Variants in KIZ observed in about 807,000 individuals in gnomAD.
The protein encoded by KIZ is kizuna centrosomal protein.
Under a neutral mutation model 79.6 loss-of-function variants are expected in KIZ, and 68 were observed. That is an observed-to-expected ratio of 0.85 (90% confidence interval 0.70 to 1.05). The LOEUF (loss-of-function observed/expected upper bound fraction) is 1.05, where lower values mean the gene tolerates loss of function less well. KIZ is among the 50% of genes least tolerant of loss of function. KIZ has a pLI of 0.00. For synonymous variants in KIZ, 280 were observed against 281.8 expected, an observed-to-expected ratio of 0.99 and a Z score of 0.06; for missense variants, 797 against 800.4, an observed-to-expected ratio of 1.00 and a Z score of 0.05.
At chr20:21,166,346 T>C (rs1310847315) in intron 6 of KIZ, 13 of 1,605,016 alleles carry the variant, frequency 8.1e-6, no homozygotes, top group Non-Finnish European at 1.1e-5. Flanking sequence ...TTTCCAGGTC[T>C]TTGAGTTGCA....
intron 7 of KIZ, chr20:21,214,151 C>T (rs1191180816): frequency 6.4e-6 from 1 of 157,168 alleles, no homozygotes; most frequent in Non-Finnish European, 1.4e-5. Context: ...TTCATGTAAT[C>T]AAAGAATAAA....
At chr20:21,200,051 C>T (rs1049245384) in intron 6 of KIZ, among the ~76,000 whole-genome samples, 2 of 152,110 alleles carry the variant, frequency 1.3e-5, no homozygotes, top group Non-Finnish European at 2.9e-5. Context: ...GAACTCCTGG[C>T]CTCAAGTGAT....
At chr20:21,194,880 T>C (rs184155768) in intron 6 of KIZ, 1 of 152,310 alleles carries the variant, frequency 6.6e-6, no homozygotes, top group East Asian at 1.9e-4. Context: ...TGAATTTCTT[T>C]CATCTGGGTT....
At chr20:21,213,275 G>T (rs1323226707) in intron 7 of KIZ, among the ~76,000 whole-genome samples, 1 of 150,012 alleles carries the variant, frequency 6.7e-6, no homozygotes, top group Non-Finnish European at 1.5e-5. Context: ...CGGGCCTTCC[G>T]TCCGGGCCTT....
intron 6 of KIZ, among the ~76,000 whole-genome samples, chr20:21,176,478 A>C (rs979463845): frequency 2.4e-4 from 36 of 152,062 alleles, no homozygotes; most frequent in Admixed American, 2.1e-3. Flanking sequence ...CCTCAGCTTG[A>C]AGGCCTGTGT....
chr20:21,214,442 C>G, intron 7 of KIZ, 93 bp from the exon 8 acceptor site: 1 of 860,336 alleles, frequency 1.2e-6, no homozygotes, highest in Non-Finnish European at 1.8e-6. Flanking sequence ...TAAAGCTTAA[C>G]TTAAAATTAT....
chr20:21,203,119 C>T (rs759482621), intron 6 of KIZ, among the ~76,000 whole-genome samples: 13 of 152,124 alleles, frequency 8.5e-5, no homozygotes, highest in Non-Finnish European at 1.8e-4. Context: ...TGTTTTTCTG[C>T]GTTTGTTTTG....
chr20:21,213,200 C>T lies in KIZ; in HGVS notation c.1447-1335C>T, dbSNP rs545127520. 8.2e-4 allele frequency among the ~76,000 whole-genome samples: 125 copies of T among 152,334 alleles called. No homozygotes were observed. The South Asian group carries it at 0.012, about 15-fold the overall frequency. ...AGGACTAAAGGCAGTTGCCTTGAAGCGTCTGAAATGCCAAACATGCAAGAC... is the reference window on the plus strand; with the variant it reads ...AGGACTAAAGGCAGTTGCCTTGAAGTGTCTGAAATGCCAAACATGCAAGAC... On this transcript the variant is annotated intron_variant, in intron 7 of 12. Coordinates refer to ENST00000619189, the MANE Select transcript of KIZ (RefSeq NM_018474.6).
At chr20:21,142,663 T>C (rs889206159) in intron 3 of KIZ, among the ~76,000 whole-genome samples, 5 of 152,022 alleles carry the variant, frequency 3.3e-5, no homozygotes, top group African/African-American at 1.2e-4. Context: ...TGTGGTGGCA[T>C]GTGCTCTAGT....
At chr20:21,203,301 C>T (rs2035669963) in intron 6 of KIZ, among the ~76,000 whole-genome samples, 1 of 152,082 alleles carries the variant, frequency 6.6e-6, no homozygotes, top group Admixed American at 6.6e-5. Flanking sequence ...TATGTTTAAC[C>T]AGTTCCTCTT....
chr20:21,132,071 T>G (rs1201536350), intron 1 of KIZ, 26 bp from the exon 2 acceptor site: 1 of 937,488 alleles, frequency 1.1e-6, no homozygotes, highest in Non-Finnish European at 1.7e-6. Context: ...ATCATGTAAT[T>G]ACTTATAAAA....
At chr20:21,162,680 C>A in intron 5 of KIZ, 170 bp from the exon 6 acceptor site, 1 of 782,992 alleles carries the variant, frequency 1.3e-6, no homozygotes, top group Non-Finnish European at 2.0e-6. Flanking sequence ...TTTTTAAACC[C>A]ACTGTGATTT....
intron 11 of KIZ, among the ~76,000 whole-genome samples, chr20:21,238,083 G>A (rs1385047068): frequency 6.6e-6 from 1 of 151,996 alleles, no homozygotes; most frequent in East Asian, 1.9e-4. Flanking sequence ...CACTCTCCTC[G>A]GCCTCCCAAA....
At chr20:21,215,129 GAATC>G (rs2036233357) in intron 8 of KIZ, among the ~76,000 whole-genome samples, 1 of 152,174 alleles carries the variant, frequency 6.6e-6, no homozygotes, top group Non-Finnish European at 1.5e-5. Flanking sequence ...AGTTGATTAA[GAATC>G]AATGAATTTA....
intron 11 of KIZ, among the ~76,000 whole-genome samples, chr20:21,235,558 A>G (rs1298692847): frequency 6.6e-6 from 1 of 152,096 alleles, no homozygotes; most frequent in Admixed American, 6.5e-5. Context: ...CTCTGCAAAC[A>G]TTGTCTCGCT....
chr20:21,168,671 G>T (rs1169273438), intron 6 of KIZ, among the ~76,000 whole-genome samples: 3 of 152,110 alleles, frequency 2.0e-5, no homozygotes, highest in Non-Finnish European at 4.4e-5. Context: ...CACGCTACCT[G>T]ACTTCAAACT....
intron 8 of KIZ, 64 bp downstream of exon 8, chr20:21,214,764 A>T: frequency 9.8e-7 from 1 of 1,023,156 alleles, no homozygotes; most frequent in Non-Finnish European, 1.5e-6. Context: ...CATCTTTCTC[A>T]AGGTACACCT....
chr20:21,231,824 T>A (rs2036843353), intron 10 of KIZ, among the ~76,000 whole-genome samples: 1 of 152,182 alleles, frequency 6.6e-6, no homozygotes, highest in Admixed American at 6.5e-5. Flanking sequence ...GCAGTGCATG[T>A]TTCACTTACT....
chr20:21,240,237 G>A lies in KIZ; in HGVS notation c.1881-4008G>A, dbSNP rs532358921. Among the ~76,000 whole-genome samples the A allele has an allele frequency of 2.8e-4, 43 of 152,160 alleles. No individual in the cohort carries two copies. In the South Asian group the frequency reaches 8.3e-3, roughly 29 times the overall value. ...CCTCCAAGGTTCAAGCGATTCTTCT[G>A]CCTCAGCCTCCCAAGTAGCTGGGAT... On this transcript the variant is annotated intron_variant, in intron 11 of 12. Coordinates refer to ENST00000619189, the MANE Select transcript of KIZ (RefSeq NM_018474.6).
Sources: allele counts gnomAD v4.1 joint callset (sites outside exome capture counted in the v4.1 genomes callset), GRCh38; gene constraint gnomAD v4.1.1; transcripts MANE v1.5; gene names NCBI Gene and HGNC (gene_info 2026-07-23, HGNC 2026-07-21).